FBXO34: variants seen among roughly 807,000 people sequenced by gnomAD.
FBXO34 encodes the protein F-box only protein 34.
In FBXO34, 12 loss-of-function variants were observed where a neutral mutation model predicts 24.5. The observed-to-expected ratio is 0.49, with a 90% CI of 0.31 to 0.79. FBXO34 has a LOEUF of 0.79. FBXO34 is among the 30% of genes least tolerant of loss of function. The pLI is 0.04. For synonymous variants in FBXO34, 320 were observed against 311.9 expected, an observed-to-expected ratio of 1.03 and a Z score of -0.27; for missense variants, 823 against 857.7, an observed-to-expected ratio of 0.96 and a Z score of 0.51.
At chr14:55,284,406 G>A (rs950618662) in intron 1 of FBXO34, among the ~76,000 whole-genome samples, 1 of 151,312 alleles carries the variant, frequency 6.6e-6, no homozygotes, top group Non-Finnish European at 1.5e-5. Flanking sequence ...CCAGCTACTC[G>A]GGAGGCTGAG....
the FBXO34 span, chr14:55,435,803 C>A: frequency 3.8e-6 from 5 of 1,308,832 alleles, no homozygotes; most frequent in East Asian, 2.6e-5. Flanking sequence ...AAAAGTAAAT[C>A]TAAAGAGAAG....
At chr14:55,300,743 A>G (rs1882324953) in intron 1 of FBXO34, among the ~76,000 whole-genome samples, 1 of 152,246 alleles carries the variant, frequency 6.6e-6, no homozygotes, top group African/African-American at 2.4e-5. Context: ...CATATAATAT[A>G]TATGCACATG....
intron 1 of FBXO34, among the ~76,000 whole-genome samples, chr14:55,302,573 G>C (rs971442178): frequency 1.3e-5 from 2 of 151,096 alleles, no homozygotes; most frequent in African/African-American, 4.9e-5. Flanking sequence ...TTACTGGTGT[G>C]AGCCACTGCA....
chr14:55,324,923 A>G (rs916887585), intron 1 of FBXO34, among the ~76,000 whole-genome samples: 1 of 152,186 alleles, frequency 6.6e-6, no homozygotes, highest in African/African-American at 2.4e-5. Context: ...TTGGAGTCTG[A>G]TGAGGGCCTG....
At chr14:55,323,571 C>A (rs548647215) in intron 1 of FBXO34, among the ~76,000 whole-genome samples, 117 of 151,746 alleles carry the variant, frequency 7.7e-4, no homozygotes, top group African/African-American at 2.7e-3. Flanking sequence ...TTAGTAGAGA[C>A]GGAGTTTCAC....
At chr14:55,442,215 C>A in the FBXO34 span, among the ~76,000 whole-genome samples, 9 of 151,258 alleles carry the variant, frequency 6.0e-5, no homozygotes, top group South Asian at 1.9e-3. Context: ...ATGGTGAAAC[C>A]CCATCTATAC....
chr14:55,420,797 C>T, the FBXO34 span, among the ~76,000 whole-genome samples: 1 of 152,080 alleles, frequency 6.6e-6, no homozygotes, highest in Non-Finnish European at 1.5e-5. Context: ...CGGTGGCTCA[C>T]TCCTGTAATC....
At chr14:55,418,539 G>A in the FBXO34 span, among the ~76,000 whole-genome samples, 1 of 152,108 alleles carries the variant, frequency 6.6e-6, no homozygotes, top group Non-Finnish European at 1.5e-5. Context: ...ATTAGTTGGG[G>A]GTTACTGTTA....
At chr14:55,385,868 G>A in the FBXO34 span, 43 of 1,610,802 alleles carry the variant, frequency 2.7e-5, no homozygotes, top group Admixed American at 2.0e-4. Context: ...CCTCACACCC[G>A]TCTTTACTTC....
chr14:55,345,531 C>T (rs1884131298), intron 1 of FBXO34, among the ~76,000 whole-genome samples: 1 of 152,192 alleles, frequency 6.6e-6, no homozygotes, highest in Non-Finnish European at 1.5e-5. Flanking sequence ...CCTCTTCATC[C>T]ATACCTCTTC....
At chr14:55,386,099 A>G in the FBXO34 span, 2 of 1,603,406 alleles carry the variant, frequency 1.2e-6, no homozygotes, top group East Asian at 4.5e-5. Context: ...TTCAGAATCT[A>G]AAATAAATAA....
chr14:55,401,592 T>C, the FBXO34 span, among the ~76,000 whole-genome samples: 1 of 152,234 alleles, frequency 6.6e-6, no homozygotes, highest in African/African-American at 2.4e-5. Flanking sequence ...CTAAAAAGTA[T>C]TCTCTCAAAT....
the FBXO34 span, chr14:55,411,551 G>A: frequency 1.3e-6 from 2 of 1,537,120 alleles, no homozygotes; most frequent in Non-Finnish European, 1.8e-6. Context: ...CGGCTGCCTG[G>A]CTGGAGGACA....
At chr14:55,417,453 TA>T in the FBXO34 span, among the ~76,000 whole-genome samples, 6,165 of 91,248 alleles carry the variant, frequency 0.068, 398 homozygotes, top group African/African-American at 0.17. Context: ...ACCCTTGCCT[TA>T]AAAAAAAAAA....
At chr14:55,407,277 C>T in the FBXO34 span, among the ~76,000 whole-genome samples, 3 of 152,160 alleles carry the variant, frequency 2.0e-5, no homozygotes. Flanking sequence ...CACAGGCATG[C>T]GTGCCACCAC....
intron 1 of FBXO34, among the ~76,000 whole-genome samples, chr14:55,276,239 T>C (rs1881338376): frequency 6.6e-6 from 1 of 152,260 alleles, no homozygotes; most frequent in Admixed American, 6.5e-5. Context: ...TTCCAGTGTT[T>C]GCTTTCTTTC....
chr14:55,376,353 G>C, the FBXO34 span, among the ~76,000 whole-genome samples: 2 of 152,240 alleles, frequency 1.3e-5, no homozygotes, highest in Non-Finnish European at 2.9e-5. Context: ...AGAGGATGGT[G>C]AGTAAACTCA....
the FBXO34 span, among the ~76,000 whole-genome samples, chr14:55,425,780 G>A: frequency 1.2e-4 from 19 of 152,098 alleles, no homozygotes; most frequent in African/African-American, 4.6e-4. Context: ...CCCCTGAAGG[G>A]CCTTACCTTC....
rs114576128 is a variant in FBXO34, at chr14:55,352,600, G to A, written c.*74G>A. 6 of 1,231,510 alleles carry A rather than the reference G, an allele frequency of 4.9e-6. No homozygotes were observed. The highest frequency in any genetic ancestry group is 4.5e-5 in the African/African-American group (3 of 66,028). 76.3% of individuals were successfully genotyped at this position (1,231,510 alleles called of 1,614,324 possible). ...ACCTAGATACACCGTTCAAATGAGC[G>A]TAGCCCCCTGAGTCATCACTCTAGA... On this transcript the variant is annotated 3_prime_UTR_variant, in exon 2 of 2. Coordinates refer to ENST00000313833, the MANE Select transcript of FBXO34 (RefSeq NM_017943.4).
Sources: gnomAD v4.1 joint callset for allele counts (sites outside exome capture counted in the v4.1 genomes callset) on GRCh38, gnomAD v4.1.1 for gene constraint, MANE v1.5 for transcripts, NCBI Gene and HGNC (gene_info 2026-07-23, HGNC 2026-07-21) for gene names.